Variants in FNDC3B observed in about 807,000 individuals in gnomAD.
The protein encoded by FNDC3B is fibronectin type III domain containing 3B.
Under a neutral mutation model 151.5 loss-of-function variants are expected in FNDC3B, and 12 were observed. The observed-to-expected ratio is 0.08, with a 90% CI of 0.05 to 0.13. The LOEUF (loss-of-function observed/expected upper bound fraction) is 0.13, where lower values mean the gene tolerates loss of function less well. FNDC3B is among the 10% of genes least tolerant of loss of function. FNDC3B has a pLI of 1.00. For synonymous variants in FNDC3B, 528 were observed against 549.0 expected (o/e 0.96, Z 0.54); for missense variants, 1,214 against 1,505.3 (o/e 0.81, Z 3.20).
Position 172,298,752 on chromosome 3 carries a change from G to C in FNDC3B, c.1026G>C (p.Leu342=). The C allele has an allele frequency of 6.2e-7, 1 of 1,608,318 alleles. No individual in the cohort carries two copies. Residue 342 remains leucine (L), a synonymous_variant, in exon 9 of 26, where the codon CTG becomes CTC. Coordinates refer to ENST00000415807, the MANE Select transcript of FNDC3B (RefSeq NM_022763.4). ...IYSGEELECN[L]KDLRPATDYH... is the part of the protein sequence containing the mutation. ...GTGGAGAAGAATTAGAATGTAACCT[G>C]AAAGATCTTAGACCAGCAACAGATT... is the stretch of plus-strand genomic sequence containing the variant.
intron 1 of FNDC3B, among the ~76,000 whole-genome samples, chr3:172,064,796 G>A (rs557753757): frequency 2.6e-4 from 39 of 152,336 alleles, no homozygotes; most frequent in African/African-American, 9.4e-4. Context: ...TGGCAAAGGT[G>A]TTGGGAGATT....
chr3:172,365,030 A>T (rs1211571268), intron 23 of FNDC3B, among the ~76,000 whole-genome samples: 1 of 152,238 alleles, frequency 6.6e-6, no homozygotes, highest in Non-Finnish European at 1.5e-5. Flanking sequence ...TAGTTTGAAG[A>T]TGACCTTCCT....
intron 7 of FNDC3B, among the ~76,000 whole-genome samples, chr3:172,287,279 T>C (rs1435098554): frequency 1.3e-5 from 2 of 152,208 alleles, no homozygotes; most frequent in Non-Finnish European, 2.9e-5. Flanking sequence ...CCTTTTTGTA[T>C]CTTCAGTGCC....
intron 1 of FNDC3B, among the ~76,000 whole-genome samples, chr3:172,095,566 A>G (rs780799800): frequency 1.3e-5 from 2 of 152,218 alleles, no homozygotes; most frequent in Non-Finnish European, 2.9e-5. Flanking sequence ...CCAGATATCC[A>G]TGATCTGTTT....
chr3:172,131,212 G>A (rs1407833315), intron 2 of FNDC3B, among the ~76,000 whole-genome samples: 1 of 152,028 alleles, frequency 6.6e-6, no homozygotes, highest in Non-Finnish European at 1.5e-5. Context: ...GCTTCAACAT[G>A]GAGAAACCCC....
chr3:172,297,672 C>T (rs1730695189), intron 8 of FNDC3B, among the ~76,000 whole-genome samples: 1 of 152,016 alleles, frequency 6.6e-6, no homozygotes, highest in African/African-American at 2.4e-5. Flanking sequence ...GACGGGGTTT[C>T]ACCGTGTTAG....
intron 3 of FNDC3B, among the ~76,000 whole-genome samples, chr3:172,179,609 TG>T (rs1443132089): frequency 2.0e-5 from 3 of 147,838 alleles, no homozygotes; most frequent in Non-Finnish European, 3.0e-5. Context: ...AAGCTGAGCA[TG>T]GTGGCTCCCG....
chr3:172,097,774 A>G (rs558558089), intron 1 of FNDC3B, among the ~76,000 whole-genome samples: 1 of 152,326 alleles, frequency 6.6e-6, no homozygotes, highest in African/African-American at 2.4e-5. Context: ...TCTATGTTGT[A>G]AAAGCAACTT....
chr3:172,328,931 T>A, intron 11 of FNDC3B, 21 bp from the exon 12 acceptor site: 1 of 1,566,690 alleles, frequency 6.4e-7, no homozygotes, highest in Non-Finnish European at 8.7e-7. Flanking sequence ...GTATATGCAT[T>A]GTTTCATTGT....
chr3:172,168,719 C>CTTTTTTTTTTTTTTTTTTTTTTTT (rs775314296), intron 3 of FNDC3B, among the ~76,000 whole-genome samples: 1 of 133,194 alleles, frequency 7.5e-6, no homozygotes, highest in Admixed American at 7.8e-5. Context: ...TTTTCTTTTA[C>CTTTTTTTTTTTTTTTTTTTTTTTT]TTTTTTTTTT....
intron 1 of FNDC3B, among the ~76,000 whole-genome samples, chr3:172,093,002 G>A (rs1221219567): frequency 6.6e-6 from 1 of 151,978 alleles, no homozygotes; most frequent in Non-Finnish European, 1.5e-5. Context: ...ATTTTTTGTA[G>A]AGATGGCATC....
chr3:172,074,618 C>G (rs1717922411), intron 1 of FNDC3B, among the ~76,000 whole-genome samples: 1 of 152,050 alleles, frequency 6.6e-6, no homozygotes, highest in Non-Finnish European at 1.5e-5. Flanking sequence ...TTGCAGATAT[C>G]TTAGTTTGCT....
intron 3 of FNDC3B, among the ~76,000 whole-genome samples, chr3:172,208,571 AC>A (rs2108705340): frequency 6.6e-6 from 1 of 152,278 alleles, no homozygotes; most frequent in East Asian, 1.9e-4. Flanking sequence ...ATATTTTGAT[AC>A]CTGTATACCA....
intron 1 of FNDC3B, among the ~76,000 whole-genome samples, chr3:172,051,199 T>G (rs1716636265): frequency 6.6e-6 from 1 of 151,600 alleles, no homozygotes; most frequent in South Asian, 2.1e-4. Flanking sequence ...TTCTTCTGCC[T>G]CAACCTCCCA....
chr3:172,179,999 A>G (rs919480935), intron 3 of FNDC3B, among the ~76,000 whole-genome samples: 2 of 151,928 alleles, frequency 1.3e-5, no homozygotes, highest in Non-Finnish European at 2.9e-5. Context: ...GTCAATCATA[A>G]TTTTCTGTGA....
intron 3 of FNDC3B, among the ~76,000 whole-genome samples, chr3:172,167,932 C>T (rs1166307450): frequency 6.6e-6 from 1 of 152,208 alleles, no homozygotes; most frequent in Non-Finnish European, 1.5e-5. Context: ...CAAAACCTGT[C>T]CTTGGTGCCA....
chr3:172,343,755 T>C (rs1460889904), intron 18 of FNDC3B, among the ~76,000 whole-genome samples: 1 of 152,214 alleles, frequency 6.6e-6, no homozygotes, highest in Non-Finnish European at 1.5e-5. Context: ...ACCTTTGGTT[T>C]CCAATTAAAG....
intron 3 of FNDC3B, among the ~76,000 whole-genome samples, chr3:172,173,343 C>T (rs962585089): frequency 1.3e-5 from 2 of 151,910 alleles, no homozygotes; most frequent in Admixed American, 6.6e-5. Flanking sequence ...AAATAAAAAC[C>T]AAGGGTTACC....
chr3:172,390,885 A>G (rs1735975155), intron 25 of FNDC3B, among the ~76,000 whole-genome samples: 1 of 152,180 alleles, frequency 6.6e-6, no homozygotes, highest in African/African-American at 2.4e-5. Flanking sequence ...TTTATGGAGC[A>G]GCAGGAGCCG....
Sources: gnomAD v4.1 joint callset for allele counts (sites outside exome capture counted in the v4.1 genomes callset) on GRCh38, gnomAD v4.1.1 for gene constraint, MANE v1.5 for transcripts, NCBI Gene and HGNC (gene_info 2026-07-23, HGNC 2026-07-21) for gene names.